LIN28B: variants seen among roughly 807,000 people sequenced by gnomAD.
LIN28B encodes lin-28 RNA binding posttranscriptional regulator B.
Under a neutral mutation model 21.9 loss-of-function variants are expected in LIN28B, and 5 were observed. The ratio of observed to expected loss-of-function variants is 0.23; its 90% CI spans 0.12 to 0.48. The LOEUF (loss-of-function observed/expected upper bound fraction) is 0.48, where lower values mean the gene tolerates loss of function less well. Among genes scored for constraint, LIN28B ranks in the 20% least tolerant of loss-of-function variants. LIN28B has a pLI of 0.98. For missense variants in LIN28B, 245 were observed against 310.5 expected (o/e 0.79, Z 1.58); for synonymous variants, 109 against 111.3 (o/e 0.98, Z 0.13).
intron 3 of LIN28B, among the ~76,000 whole-genome samples, chr6:105,053,932 CAG>C: frequency 6.6e-6 from 1 of 152,212 alleles, no homozygotes; most frequent in East Asian, 1.9e-4. Flanking sequence ...TTAGTAGAGA[CAG>C]GGTTTCACCG....
chr6:105,070,592 CCACA>C (rs752057191), intron 3 of LIN28B, among the ~76,000 whole-genome samples: 2,076 of 92,178 alleles, frequency 0.023, 30 homozygotes, highest in Middle Eastern at 0.065. Flanking sequence ...ATCAATAAAA[CCACA>C]CACACACACA....
intron 3 of LIN28B, among the ~76,000 whole-genome samples, chr6:105,041,631 T>C (rs1382968357): frequency 1.3e-5 from 2 of 152,200 alleles, no homozygotes; most frequent in Non-Finnish European, 2.9e-5. Context: ...ATCATCTGAC[T>C]GGAGGTATAG....
At chr6:105,045,875 C>G (rs1325249799) in intron 3 of LIN28B, among the ~76,000 whole-genome samples, 2 of 152,036 alleles carry the variant, frequency 1.3e-5, no homozygotes, top group East Asian at 1.9e-4. Context: ...TCCAAGTGAT[C>G]AGTATGTAAT....
At chr6:104,976,515 T>G (rs982465821) in intron 2 of LIN28B, among the ~76,000 whole-genome samples, 10 of 152,202 alleles carry the variant, frequency 6.6e-5, no homozygotes, top group Non-Finnish European at 1.3e-4. Context: ...TAATATCCAG[T>G]CTCTGTCTTT....
At chr6:104,979,635 G>A (rs1395869924) in intron 2 of LIN28B, among the ~76,000 whole-genome samples, 1 of 150,136 alleles carries the variant, frequency 6.7e-6, no homozygotes, top group Non-Finnish European at 1.5e-5. Context: ...TATGCTATTA[G>A]CTTAAGACTT....
At chr6:104,941,269 A>G (rs1778085526) in intron 2 of LIN28B, 2 of 152,136 alleles carry the variant, frequency 1.3e-5, no homozygotes, top group Non-Finnish European at 2.9e-5. Context: ...GCCCTGATTT[A>G]TTGCCCCGGT....
At chr6:105,071,139 A>G (rs753659780) in intron 3 of LIN28B, among the ~76,000 whole-genome samples, 1 of 152,084 alleles carries the variant, frequency 6.6e-6, no homozygotes, top group East Asian at 1.9e-4. Flanking sequence ...AGACCTTCCA[A>G]AGTGCTGAGA....
intron 3 of LIN28B, among the ~76,000 whole-genome samples, chr6:105,063,132 A>C (rs1772152470): frequency 6.6e-6 from 1 of 152,124 alleles, no homozygotes; most frequent in Admixed American, 6.5e-5. Context: ...GATTCAGTGA[A>C]TATTTATTTA....
At chr6:104,957,343 C>CG (rs1778305104) in intron 1 of LIN28B, 83 bp downstream of exon 1, 9 of 722,128 alleles carry the variant, frequency 1.2e-5, no homozygotes, top group Middle Eastern at 3.0e-4. Flanking sequence ...CTTCTTAGAC[C>CG]GTCCCCCCCT....
rs374358693 is a variant in LIN28B at position 104,967,369 on chromosome 6, C to T, written c.198+9083C>T. On this transcript the variant is annotated intron_variant, in intron 2 of 3. Coordinates refer to ENST00000345080, the MANE Select transcript of LIN28B (RefSeq NM_001004317.4). ...CTGAGGGGGGTGGATCACTTGAGGTCAGGAATTTGAGACCAGCCTGGCCAA... is the reference window on the plus strand; with the variant it reads ...CTGAGGGGGGTGGATCACTTGAGGTTAGGAATTTGAGACCAGCCTGGCCAA... 2.4e-4 allele frequency among the ~76,000 whole-genome samples: 37 copies of T among 151,484 alleles called. No homozygotes were observed. In the East Asian group the frequency reaches 3.1e-3, roughly 13 times the overall value.
intron 2 of LIN28B, among the ~76,000 whole-genome samples, chr6:105,001,862 T>C (rs184255116): frequency 7.2e-5 from 11 of 152,344 alleles, no homozygotes; most frequent in Admixed American, 7.2e-4. Flanking sequence ...AATTTATTTT[T>C]AGACAAGTAT....
chr6:104,992,487 T>A (rs1770508932), intron 2 of LIN28B, among the ~76,000 whole-genome samples: 1 of 60,004 alleles, frequency 1.7e-5, no homozygotes, highest in Non-Finnish European at 3.9e-5. Flanking sequence ...GTTTCTGTTG[T>A]GTGTGTGTGT....
rs144237064 is a variant in LIN28B at position 104,979,365 on chromosome 6, G to A, written c.198+21079G>A. The stretch of plus-strand genomic sequence containing the variant: ...GCTGATTACAGGTGTGCGCCACCAC[G>A]CCCGGCTAATTTTTGTATTTTTAGT... On this transcript the variant is annotated intron_variant, in intron 2 of 3. Transcript: ENST00000345080. 5.7e-4 allele frequency among the ~76,000 whole-genome samples: 87 copies of A among 151,844 alleles called. No individual in the cohort carries two copies. The East Asian group carries it at 0.012, about 21-fold the overall frequency.
At chr6:104,958,076 T>A (rs377291945) in intron 1 of LIN28B, 23 bp from the exon 2 acceptor site, 8 of 1,511,762 alleles carry the variant, frequency 5.3e-6, no homozygotes, top group African/African-American at 1.4e-5. Flanking sequence ...ACAGACTGAC[T>A]TTTTTGTCCT....
At position 105,026,915 on chromosome 6, in the gene LIN28B, A is replaced by G. The variant is rs921430836; in HGVS notation, c.383+433A>G. ...CGTAAAGAGGAAAAAATCACTTGAA[A>G]TCCTAGAGGTGGGAATTATAATATA... is the stretch of plus-strand genomic sequence containing the variant. On this transcript the variant is annotated intron_variant, in intron 3 of 3. Coordinates refer to ENST00000345080, the MANE Select transcript of LIN28B (RefSeq NM_001004317.4). 3.3e-5 allele frequency among the ~76,000 whole-genome samples: 5 copies of G among 152,190 alleles called. No homozygotes were observed. In the East Asian group the frequency reaches 9.6e-4, roughly 29 times the overall value.
intron 2 of LIN28B, among the ~76,000 whole-genome samples, chr6:104,947,741 A>G (rs1038801240): frequency 4.0e-5 from 6 of 151,226 alleles, no homozygotes; most frequent in Non-Finnish European, 7.4e-5. Context: ...TTTTTTATGA[A>G]AAGATGGTTT....
intron 2 of LIN28B, among the ~76,000 whole-genome samples, chr6:104,959,118 T>G (rs1769657017): frequency 6.6e-6 from 1 of 152,152 alleles, no homozygotes; most frequent in African/African-American, 2.4e-5. Flanking sequence ...ACCCAGGAAA[T>G]AATGAATTAA....
At chr6:105,018,020 C>T (rs112412371) in intron 2 of LIN28B, among the ~76,000 whole-genome samples, 47 of 152,310 alleles carry the variant, frequency 3.1e-4, no homozygotes, top group African/African-American at 1.0e-3. Flanking sequence ...TGCCTGTAAT[C>T]CCAACACTTT....
intron 1 of LIN28B, among the ~76,000 whole-genome samples, chr6:104,957,852 G>T (rs1000276608): frequency 6.6e-6 from 1 of 151,978 alleles, no homozygotes; most frequent in Non-Finnish European, 1.5e-5. Flanking sequence ...ATAAGTACAC[G>T]TATGTATAGA....
Sources: gnomAD v4.1 joint callset for allele counts (sites outside exome capture counted in the v4.1 genomes callset) on GRCh38, gnomAD v4.1.1 for gene constraint, MANE v1.5 for transcripts, NCBI Gene and HGNC (gene_info 2026-07-23, HGNC 2026-07-21) for gene names.